Variants in CD58 observed in about 807,000 individuals in gnomAD.
CD58 encodes CD58 molecule.
Under a neutral mutation model 27.6 loss-of-function variants are expected in CD58, and 14 were observed. The ratio of observed to expected loss-of-function variants is 0.51; its 90% confidence interval spans 0.34 to 0.79. The LOEUF (loss-of-function observed/expected upper bound fraction) is 0.79, where lower values mean the gene tolerates loss of function less well. Among genes scored for constraint, CD58 ranks in the 30% least tolerant of loss-of-function variants. The probability of loss-of-function intolerance (pLI) is 0.02; values close to 1 mark genes in which losing one functional copy is unlikely to be tolerated. For synonymous variants in CD58, 117 were observed against 103.8 expected (o/e 1.13, Z -0.77); for missense variants, 268 against 301.7 (o/e 0.89, Z 0.83).
Position 116,570,989 on chromosome 1 carries a change from C to T in CD58, c.-17G>A. On this transcript the variant is annotated 5_prime_UTR_variant, in exon 1 of 6. Coordinates refer to ENST00000369489, the MANE Select transcript of CD58 (RefSeq NM_001779.3). The surrounding 1 kb of genome is among the most constrained non-coding windows in gnomAD (Gnocchi z 6.4). ...AGCAACCATGGCTCGTCGGGCCGGC[C>T]TCTGCGCGAGTGCCCAGCCACAAGC... is the stretch of plus-strand genomic sequence containing the variant. 1 of 1,538,074 alleles carries T rather than the reference C, an allele frequency of 6.5e-7. No homozygotes were observed. Among genetic ancestry groups the T allele is most frequent in the South Asian group, 1.2e-5 (1 of 83,848 alleles).
intron 1 of CD58, among the ~76,000 whole-genome samples, chr1:116,544,849 TG>T (rs1294977767): frequency 6.6e-6 from 1 of 152,038 alleles, no homozygotes; most frequent in Non-Finnish European, 1.5e-5. Flanking sequence ...GCTGGGAATA[TG>T]GGGTTGTTCC....
At chr1:116,530,100 T>C (rs1657550011) in intron 3 of CD58, among the ~76,000 whole-genome samples, 1 of 152,276 alleles carries the variant, frequency 6.6e-6, no homozygotes, top group African/African-American at 2.4e-5. Context: ...GTCAGGATGG[T>C]ATCATACAAA....
Position 116,532,925 on chromosome 1 carries a change from A to T in CD58, c.628+3040T>A. 9.5e-7 allele frequency: 1 copy of T among 1,053,920 alleles called. No individual in the cohort carries two copies. Among genetic ancestry groups the T allele is most frequent in the Non-Finnish European group, 1.4e-6 (1 of 714,818 alleles). The allele number at this position is 1,053,920 out of a possible 1,614,324, so 65.3% of individuals were successfully genotyped here. On this transcript the variant is annotated intron_variant, in intron 3 of 5. Transcript: ENST00000369489. This position sits in a 1 kb window ranked among gnomAD's most constrained non-coding sequence, Gnocchi z 5.1. ...GCGACAGCCGGTCTGCCAGGCGCCC[A>T]CCTCCACTTCCTACTGCTGCTTGCA...
rs1657059827 is a variant in CD58, at chr1:116,515,782, G to A, written c.744-960C>T. ...GGCTAACTTTGTGATCTGTTTTCTAGACACTTACACAAAAAATACCAGGGC... is the reference window on the plus strand; with the variant it reads ...GGCTAACTTTGTGATCTGTTTTCTAAACACTTACACAAAAAATACCAGGGC... On this transcript the variant is annotated intron_variant, in intron 5 of 5. Transcript: ENST00000369489. This position sits in a 1 kb window ranked among gnomAD's most constrained non-coding sequence, Gnocchi z 4.6. Among the ~76,000 whole-genome samples, 2 of 152,124 alleles carry A rather than the reference G, an allele frequency of 1.3e-5. No homozygotes were observed. Among genetic ancestry groups the A allele is most frequent in the African/African-American group, 4.8e-5 (2 of 41,388 alleles).
chr1:116,569,522 A>G (rs1659048944), intron 1 of CD58, among the ~76,000 whole-genome samples: 1 of 151,796 alleles, frequency 6.6e-6, no homozygotes, highest in Non-Finnish European at 1.5e-5. Context: ...CCCTCCCATG[A>G]AGACTGCTTC....
intron 1 of CD58, among the ~76,000 whole-genome samples, chr1:116,561,352 A>T (rs900412759): frequency 2.6e-5 from 4 of 152,240 alleles, no homozygotes; most frequent in Non-Finnish European, 5.9e-5. Context: ...GAATACGGGT[A>T]AAAGTTAGGT....
At chr1:116,555,433 G>C (rs1054623200) in intron 1 of CD58, among the ~76,000 whole-genome samples, 1 of 152,164 alleles carries the variant, frequency 6.6e-6, no homozygotes, top group Non-Finnish European at 1.5e-5. Flanking sequence ...ACTGGGCATG[G>C]GGTGAGTTTT....
chr1:116,548,991 T>C lies in CD58; in HGVS notation c.71-4387A>G, dbSNP rs776434522. ...ACCTTGCTCCATGTCTCTCAGCAAG[T>C]TTATGGCGGCACAATGACCAGAACA... On this transcript the variant is annotated intron_variant, in intron 1 of 5. Coordinates refer to ENST00000369489, the MANE Select transcript of CD58 (RefSeq NM_001779.3). Among the ~76,000 whole-genome samples, 8 of 152,140 alleles carry C rather than the reference T, an allele frequency of 5.3e-5. 1 individual carries two copies. The highest frequency in any genetic ancestry group is 2.0e-4 in the Admixed American group (3 of 15,272).
chr1:116,534,040 G>T lies in CD58; in HGVS notation c.628+1925C>A. On this transcript the variant is annotated intron_variant, in intron 3 of 5. Coordinates refer to ENST00000369489, the MANE Select transcript of CD58 (RefSeq NM_001779.3). The surrounding 1 kb of genome is among the most constrained non-coding windows in gnomAD (Gnocchi z 5.3). ...CTTTTCCGTCTTACTTGCATTTTTA[G>T]CAGCTTCCACGAAATCTGAAGGAAC... 8.9e-7 allele frequency: 1 copy of T among 1,125,112 alleles called. No homozygotes were observed. The highest frequency in any genetic ancestry group is 1.4e-6 in the Non-Finnish European group (1 of 740,318). The allele number at this position is 1,125,112 out of a possible 1,614,324, so 69.7% of individuals were successfully genotyped here.
chr1:116,566,046 T>C (rs927695317), intron 1 of CD58, among the ~76,000 whole-genome samples: 5 of 152,236 alleles, frequency 3.3e-5, no homozygotes, highest in African/African-American at 1.2e-4. Context: ...AATATAGTAT[T>C]GCATATTCAC....
In CD58 at chr1:116,538,208, A is replaced by G. The variant is rs1657882501; in HGVS notation, c.365-1980T>C. On this transcript the variant is annotated intron_variant, in intron 2 of 5. Transcript: ENST00000369489. The surrounding 1 kb of genome is among the most constrained non-coding windows in gnomAD (Gnocchi z 4.7). ...TCTTTAATTAAAAAGACTTTTAATC[A>G]TCTTTTAAGCAGTGGAATTTCTCAG... 6.6e-6 allele frequency among the ~76,000 whole-genome samples: 1 copy of G among 152,194 alleles called. No individual in the cohort carries two copies. The highest frequency in any genetic ancestry group is 1.5e-5 in the Non-Finnish European group (1 of 68,040).
rs576621820 is a variant in CD58, at chr1:116,536,866, C to T, written c.365-638G>A. On this transcript the variant is annotated intron_variant, in intron 2 of 5. Coordinates refer to ENST00000369489, the MANE Select transcript of CD58 (RefSeq NM_001779.3). This position sits in a 1 kb window ranked among gnomAD's most constrained non-coding sequence, Gnocchi z 5.4. ...AGTCTTCGCAAGTTGGTAGCAAAAT[C>T]GTTTAGCTGCAAATCCTGACCTGAC... is the stretch of plus-strand genomic sequence containing the variant. Among the ~76,000 whole-genome samples, 9 of 152,296 alleles carry T rather than the reference C, an allele frequency of 5.9e-5. No individual in the cohort carries two copies. The South Asian group carries it at 1.0e-3, about 18-fold the overall frequency.
In CD58 at chr1:116,552,855, A is replaced by C. The variant is rs188126662; in HGVS notation, c.71-8251T>G. Among the ~76,000 whole-genome samples the C allele has an allele frequency of 6.6e-6, 1 of 151,858 alleles. No individual in the cohort carries two copies. Among genetic ancestry groups the C allele is most frequent in the Admixed American group, 6.6e-5 (1 of 15,170 alleles). On this transcript the variant is annotated intron_variant, in intron 1 of 5. Transcript: ENST00000369489. This position sits in a 1 kb window ranked among gnomAD's most constrained non-coding sequence, Gnocchi z 4.5. ...TATGTGGGAGTAGAGTGGAGCTGGG[A>C]GTTGCTACATCAAAAGGTAAATAGA...
chr1:116,546,724 T>C lies in CD58; in HGVS notation c.71-2120A>G, dbSNP rs909155842. ...AACAGTAGAAGAAAGTAGTCAGGAA[T>C]GGAGCTAGTGGTGGAGGGAAGTGAG... is the stretch of plus-strand genomic sequence containing the variant. On this transcript the variant is annotated intron_variant, in intron 1 of 5. Coordinates refer to ENST00000369489, the MANE Select transcript of CD58 (RefSeq NM_001779.3). The surrounding 1 kb of genome is among the most constrained non-coding windows in gnomAD (Gnocchi z 4.1). Among the ~76,000 whole-genome samples, 1 of 152,076 alleles carries C rather than the reference T, an allele frequency of 6.6e-6. No individual in the cohort carries two copies. The highest frequency in any genetic ancestry group is 1.5e-5 in the Non-Finnish European group (1 of 67,960).
chr1:116,534,581 G>C lies in CD58; in HGVS notation c.628+1384C>G, dbSNP rs1657727924. On this transcript the variant is annotated intron_variant, in intron 3 of 5. Transcript: ENST00000369489. This position sits in a 1 kb window ranked among gnomAD's most constrained non-coding sequence, Gnocchi z 5.3. ...AAGCGACTTGACCTTCAGGGCAGTG[G>C]GCGGCAGGGCAGGGGCGCACCGGGT... Among the ~76,000 whole-genome samples the C allele has an allele frequency of 6.6e-6, 1 of 152,158 alleles. No individual in the cohort carries two copies. Among genetic ancestry groups the C allele is most frequent in the African/African-American group, 2.4e-5 (1 of 41,436 alleles).
At position 116,532,902 on chromosome 1, in the gene CD58, G is replaced by C. The variant is rs1571066433; in HGVS notation, c.628+3063C>G. The C allele has an allele frequency of 4.2e-6, 4 of 951,718 alleles. No individual in the cohort carries two copies. The highest frequency in any genetic ancestry group is 1.4e-5 in the South Asian group (1 of 72,272). 59.0% of individuals were successfully genotyped at this position (951,718 alleles called of 1,614,324 possible). A position where few individuals can be genotyped will look rare whatever the true frequency, so the allele number is the denominator to read the frequency against. On this transcript the variant is annotated intron_variant, in intron 3 of 5. Coordinates refer to ENST00000369489, the MANE Select transcript of CD58 (RefSeq NM_001779.3). The surrounding 1 kb of genome is among the most constrained non-coding windows in gnomAD (Gnocchi z 5.1). ...CCTCCCGCTACAGGCCCGGAGTCGCGACAGCCGGTCTGCCAGGCGCCCACC... is the reference window on the plus strand; with the variant it reads ...CCTCCCGCTACAGGCCCGGAGTCGCCACAGCCGGTCTGCCAGGCGCCCACC...
In CD58 at chr1:116,563,536, T is replaced by C. The variant is rs1324183353; in HGVS notation, c.70+7367A>G. ...CCTGCAGCAAACTTCTGCCTGGACA[T>C]CCAGGCATTTCCATACATCCTCTGA... On this transcript the variant is annotated intron_variant, in intron 1 of 5. Coordinates refer to ENST00000369489, the MANE Select transcript of CD58 (RefSeq NM_001779.3). This position sits in a 1 kb window ranked among gnomAD's most constrained non-coding sequence, Gnocchi z 4.1. Among the ~76,000 whole-genome samples, 4 of 152,100 alleles carry C rather than the reference T, an allele frequency of 2.6e-5. No homozygotes were observed. The highest frequency in any genetic ancestry group is 7.2e-5 in the African/African-American group (3 of 41,436).
At chr1:116,565,341 A>G (rs979581365) in intron 1 of CD58, among the ~76,000 whole-genome samples, 5 of 152,178 alleles carry the variant, frequency 3.3e-5, no homozygotes, top group South Asian at 4.1e-4. Flanking sequence ...AGTTTCTTAA[A>G]CGCTTGAAGC....
chr1:116,521,806 G>A lies in CD58; in HGVS notation c.706+100C>T. The A allele has an allele frequency of 2.5e-6, 2 of 791,458 alleles. No homozygotes were observed. Among genetic ancestry groups the A allele is most frequent in the South Asian group, 3.1e-5 (2 of 64,434 alleles). The allele number at this position is 791,458 out of a possible 1,614,324, so 49.0% of individuals were successfully genotyped here. ...AAAAAGTTTTTGTTTCTTTTCAAATGTCTAAAATTTCAAACTTTATTTTCA... is the reference window on the plus strand; with the variant it reads ...AAAAAGTTTTTGTTTCTTTTCAAATATCTAAAATTTCAAACTTTATTTTCA... On this transcript the variant is annotated intron_variant, in intron 4 of 5. Coordinates refer to ENST00000369489, the MANE Select transcript of CD58 (RefSeq NM_001779.3). This position sits in a 1 kb window ranked among gnomAD's most constrained non-coding sequence, Gnocchi z 5.6.
Sources: gnomAD v4.1 joint callset for allele counts (sites outside exome capture counted in the v4.1 genomes callset) on GRCh38, gnomAD v4.1.1 for gene constraint, Gnocchi (gnomAD v3.1) non-coding constraint, MANE v1.5 for transcripts, NCBI Gene and HGNC (gene_info 2026-07-23, HGNC 2026-07-21) for gene names.